The following NTRK2 variants were observed in gnomAD, a reference collection of about 807,000 sequenced individuals.
NTRK2 encodes the protein neurotrophic receptor tyrosine kinase 2.
A neutral mutation model predicts 94.5 loss-of-function variants in NTRK2; 13 were observed. The ratio of observed to expected loss-of-function variants is 0.14; its 90% CI spans 0.09 to 0.22. The LOEUF (loss-of-function observed/expected upper bound fraction) is 0.22. NTRK2 is among the 10% of genes least tolerant of loss of function. The probability of loss-of-function intolerance (pLI) is 1.00; values close to 1 mark genes in which losing one functional copy is unlikely to be tolerated. For missense variants in NTRK2, 639 were observed against 1,071.2 expected (o/e 0.60, Z 5.63); for synonymous variants, 372 against 407.4 (o/e 0.91, Z 1.05).
intron 17 of NTRK2, among the ~76,000 whole-genome samples, chr9:84,996,097 A>G (rs1829716885): frequency 6.6e-6 from 1 of 152,234 alleles, no homozygotes. Context: ...TACTCTTTCA[A>G]TTTGAACATT....
At chr9:84,814,322 G>T (rs201348896) in intron 12 of NTRK2, 5 of 1,065,166 alleles carry the variant, frequency 4.7e-6, no homozygotes, top group Non-Finnish European at 5.7e-6. Context: ...GGAGTAAATA[G>T]CTCGAAGAGC....
At chr9:84,741,256 T>C (rs1342071383) in intron 9 of NTRK2, among the ~76,000 whole-genome samples, 1 of 152,238 alleles carries the variant, frequency 6.6e-6, no homozygotes. Context: ...CTTTTACATT[T>C]CTCTCTGACA....
chr9:84,849,157 A>G (rs1028185191), intron 12 of NTRK2, among the ~76,000 whole-genome samples: 5 of 152,108 alleles, frequency 3.3e-5, no homozygotes, highest in African/African-American at 1.2e-4. Flanking sequence ...AGAAAAGATG[A>G]TTTCTCCTCC....
intron 17 of NTRK2, among the ~76,000 whole-genome samples, chr9:84,972,489 T>G (rs980684451): frequency 6.6e-6 from 1 of 152,242 alleles, no homozygotes; most frequent in Non-Finnish European, 1.5e-5. Flanking sequence ...CAATTTCATC[T>G]CTTTATGTGT....
At chr9:84,678,651 G>A (rs182519975) in intron 2 of NTRK2, among the ~76,000 whole-genome samples, 12 of 152,178 alleles carry the variant, frequency 7.9e-5, no homozygotes, top group Admixed American at 4.6e-4. Context: ...GGGCAAGAGA[G>A]CTTGACATCA....
chr9:84,783,881 T>G (rs35092125), intron 12 of NTRK2, among the ~76,000 whole-genome samples: 1 of 151,960 alleles, frequency 6.6e-6, no homozygotes, highest in Non-Finnish European at 1.5e-5. Context: ...CCCAAAGACT[T>G]CGCATGGAGG....
chr9:84,765,814 ATT>A (rs1359749518), intron 12 of NTRK2, among the ~76,000 whole-genome samples: 1 of 152,260 alleles, frequency 6.6e-6, no homozygotes, highest in Non-Finnish European at 1.5e-5. Context: ...TCTGTTATCT[ATT>A]TATTTTAGTG....
At chr9:84,986,204 G>A (rs538790556) in intron 17 of NTRK2, among the ~76,000 whole-genome samples, 30 of 151,960 alleles carry the variant, frequency 2.0e-4, no homozygotes, top group Non-Finnish European at 3.7e-4. Flanking sequence ...GCTGCCCCCC[G>A]ACCCCTGCTC....
chr9:85,017,163 C>A (rs974387376), intron 17 of NTRK2, among the ~76,000 whole-genome samples: 4 of 152,132 alleles, frequency 2.6e-5, no homozygotes, highest in Non-Finnish European at 4.4e-5. Context: ...TTCTTAATGT[C>A]TCCAGAATGG....
At chr9:84,828,908 T>C (rs182177348) in intron 12 of NTRK2, among the ~76,000 whole-genome samples, 29 of 152,184 alleles carry the variant, frequency 1.9e-4, no homozygotes, top group African/African-American at 7.0e-4. Flanking sequence ...AGCTTGTTAG[T>C]GTTTACTGAC....
intron 12 of NTRK2, among the ~76,000 whole-genome samples, chr9:84,832,152 A>G (rs1233935520): frequency 6.6e-6 from 1 of 152,200 alleles, no homozygotes; most frequent in African/African-American, 2.4e-5. Flanking sequence ...GTTTCTCTCC[A>G]TATAACTGGA....
chr9:84,910,942 G>A (rs1346032666), intron 14 of NTRK2, among the ~76,000 whole-genome samples: 2 of 152,112 alleles, frequency 1.3e-5, no homozygotes, highest in Non-Finnish European at 2.9e-5. Flanking sequence ...AGATTTCACT[G>A]GGATTTTGAT....
intron 14 of NTRK2, chr9:84,872,217 G>A: frequency 8.8e-7 from 1 of 1,142,534 alleles, no homozygotes; most frequent in Non-Finnish European, 1.1e-6. Flanking sequence ...CAGCTCAAGG[G>A]CAGCTGTGTT....
At chr9:84,940,902 C>A (rs1564484881) in intron 15 of NTRK2, among the ~76,000 whole-genome samples, 1 of 152,160 alleles carries the variant, frequency 6.6e-6, no homozygotes, top group Non-Finnish European at 1.5e-5. Flanking sequence ...TGAAGTCCTT[C>A]TCCCATTCCT....
At chr9:84,848,355 C>T (rs2074575689) in intron 12 of NTRK2, among the ~76,000 whole-genome samples, 1 of 152,156 alleles carries the variant, frequency 6.6e-6, no homozygotes, top group South Asian at 2.1e-4. Flanking sequence ...ATTTTATCCA[C>T]TAGGAGTCCA....
chr9:84,772,505 C>T (rs1055808242), intron 12 of NTRK2, among the ~76,000 whole-genome samples: 4 of 152,108 alleles, frequency 2.6e-5, no homozygotes, highest in African/African-American at 9.7e-5. Context: ...ACCTCGGCCT[C>T]CCAAGGTGCT....
In NTRK2 at chr9:84,744,831, G is replaced by A. The variant is rs1295484488; in HGVS notation, c.1196-142G>A. 8 of 768,410 alleles carry A rather than the reference G, an allele frequency of 1.0e-5. No individual in the cohort carries two copies. The Admixed American group carries it at 1.2e-4, about 12-fold the overall frequency. The allele number at this position is 768,410 out of a possible 1,614,324, so 47.6% of individuals were successfully genotyped here. On this transcript the variant is annotated intron_variant, in intron 10 of 18. Coordinates refer to ENST00000277120, the MANE Select transcript of NTRK2 (RefSeq NM_006180.6). ...GCATTGAACTCAGCAGCCTGGTCAC[G>A]TCCCTCCACAGCCAGACTGTCGGGG... is the stretch of plus-strand genomic sequence containing the variant.
intron 9 of NTRK2, among the ~76,000 whole-genome samples, chr9:84,731,692 T>C (rs2062900776): frequency 6.6e-6 from 1 of 152,018 alleles, no homozygotes; most frequent in Admixed American, 6.6e-5. Context: ...TGTTCTCTAC[T>C]TGGAGGAAGG....
intron 12 of NTRK2, among the ~76,000 whole-genome samples, chr9:84,758,547 A>G (rs2065273928): frequency 6.6e-6 from 1 of 151,980 alleles, no homozygotes; most frequent in South Asian, 2.1e-4. Flanking sequence ...GTGCGCTACC[A>G]CGCCCGGCTA....
Sources: gnomAD v4.1 joint callset for allele counts (sites outside exome capture counted in the v4.1 genomes callset) on GRCh38, gnomAD v4.1.1 for gene constraint, MANE v1.5 for transcripts, NCBI Gene and HGNC (gene_info 2026-07-23, HGNC 2026-07-21) for gene names.